ZCWPW2: variants seen among roughly 807,000 people sequenced by gnomAD.
ZCWPW2 encodes the protein zinc finger CW-type and PWWP domain containing 2.
In ZCWPW2, 45 loss-of-function variants were observed where a neutral mutation model predicts 46.6. That is an observed-to-expected ratio of 0.96 (90% CI 0.76 to 1.24). ZCWPW2 has a LOEUF of 1.24. ZCWPW2 is among the 50% of genes most tolerant of loss of function. ZCWPW2 has a pLI of 0.00. For synonymous variants in ZCWPW2, 152 were observed against 137.1 expected (o/e 1.11, Z -0.76); for missense variants, 429 against 403.9 (o/e 1.06, Z -0.53).
At position 28,371,876 on chromosome 3, in the gene ZCWPW2, G is replaced by A. The variant is rs141702319; in HGVS notation, c.-133-18622G>A. ...GAGCCTGATTAAAGTTTAGTCAAAGGGAGAGTCTTTGCCAGTTTCTTCTTC... is the reference window on the plus strand; with the variant it reads ...GAGCCTGATTAAAGTTTAGTCAAAGAGAGAGTCTTTGCCAGTTTCTTCTTC... On this transcript the variant is annotated intron_variant, in intron 1 of 9. Coordinates refer to ENST00000383768, the MANE Select transcript of ZCWPW2 (RefSeq NM_001040432.4). Among the ~76,000 whole-genome samples, 246 of 151,946 alleles carry A rather than the reference G, an allele frequency of 1.6e-3. 3 individuals are homozygous for A. The highest frequency in any genetic ancestry group is 5.6e-3 in the African/African-American group (231 of 41,444).
In ZCWPW2 at chr3:28,450,482, G is replaced by C. The variant is rs561413162; in HGVS notation, c.492+15213G>C. ...GATCAACCAGCTTGTAGGTGGCATA[G>C]AGCCATTATAATTTTTCTTGGGCAT... On this transcript the variant is annotated intron_variant, in intron 4 of 9. Transcript: ENST00000383768. Among the ~76,000 whole-genome samples the C allele has an allele frequency of 3.3e-5, 5 of 152,294 alleles. No homozygotes were observed. The East Asian group carries it at 9.7e-4, about 29-fold the overall frequency.
chr3:28,443,988 A>G (rs183395172), intron 4 of ZCWPW2, among the ~76,000 whole-genome samples: 1 of 152,280 alleles, frequency 6.6e-6, no homozygotes, highest in African/African-American at 2.4e-5. Flanking sequence ...ACAATGAACC[A>G]TCTTTTAATC....
At chr3:28,440,801 A>G (rs1338429477) in intron 4 of ZCWPW2, among the ~76,000 whole-genome samples, 2 of 152,178 alleles carry the variant, frequency 1.3e-5, no homozygotes, top group Admixed American at 6.5e-5. Context: ...TGGCAGAAGC[A>G]TTGTGTGCAG....
chr3:28,483,787 G>T (rs12054331), intron 5 of ZCWPW2, among the ~76,000 whole-genome samples: 26,669 of 151,864 alleles, frequency 0.18, 3,153 homozygotes, highest in East Asian at 0.63. Flanking sequence ...CTACTTGTTT[G>T]GTACTAGTAT....
At chr3:28,514,175 A>G (rs1399217467) in intron 7 of ZCWPW2, 53 bp downstream of exon 7, 22 of 1,254,754 alleles carry the variant, frequency 1.8e-5, no homozygotes, top group Admixed American at 2.8e-5. Context: ...TATATATTGG[A>G]TTTAGTTTAG....
chr3:28,502,803 TC>T (rs1487795093), intron 6 of ZCWPW2, among the ~76,000 whole-genome samples: 14 of 152,112 alleles, frequency 9.2e-5, no homozygotes, highest in African/African-American at 3.4e-4. Context: ...AGTGATGCCT[TC>T]CTAAACCAGT....
intron 3 of ZCWPW2, among the ~76,000 whole-genome samples, chr3:28,424,677 A>T (rs1358442261): frequency 6.6e-6 from 1 of 152,174 alleles, no homozygotes; most frequent in East Asian, 1.9e-4. Context: ...AGTCTGTGGT[A>T]TTTTGTTATG....
At chr3:28,356,172 T>C (rs36106945) in intron 1 of ZCWPW2, among the ~76,000 whole-genome samples, 31,687 of 151,952 alleles carry the variant, frequency 0.21, 3,705 homozygotes, top group Admixed American at 0.28. Flanking sequence ...TCAAACAACC[T>C]CATCAAAAAG....
rs369052191 is a variant in ZCWPW2 at position 28,413,274 on chromosome 3, A to G, written c.206A>G (p.Asn69Ser). 5.0e-6 allele frequency: 8 copies of G among 1,613,358 alleles called. No homozygotes were observed. Among genetic ancestry groups the G allele is most frequent in the Non-Finnish European group, 6.8e-6 (8 of 1,179,534 alleles). ...TTCATGAACACTGATTCAAGATATA[A>G]TAACTGCTCAATTTCTGAAGAAGAC... ...YCFMNTDSRY[N>S]NCSISEEDFP... The change falls in exon 3 of 10, where the codon AAT becomes AGT. Residue 69 changes from asparagine (N) to serine (S), a missense_variant. Transcript: ENST00000383768.
At chr3:28,480,136 G>A (rs572284331) in intron 5 of ZCWPW2, among the ~76,000 whole-genome samples, 8 of 151,990 alleles carry the variant, frequency 5.3e-5, no homozygotes, top group East Asian at 1.9e-4. Flanking sequence ...GTCTTTGAGC[G>A]ATCACCACAC....
chr3:28,447,241 T>A (rs1246220269), intron 4 of ZCWPW2, among the ~76,000 whole-genome samples: 1 of 152,058 alleles, frequency 6.6e-6, no homozygotes, highest in Non-Finnish European at 1.5e-5. Flanking sequence ...TTATTTACAT[T>A]GATGGAAAAA....
chr3:28,383,641 G>A (rs906246222), intron 1 of ZCWPW2, among the ~76,000 whole-genome samples: 1 of 151,896 alleles, frequency 6.6e-6, no homozygotes, highest in Admixed American at 6.6e-5. Flanking sequence ...ATTTTGGGTG[G>A]CCTTTTTAAG....
intron 2 of ZCWPW2, among the ~76,000 whole-genome samples, chr3:28,391,353 CCACACA>C (rs111706300): frequency 1.3e-5 from 2 of 148,650 alleles, no homozygotes; most frequent in African/African-American, 4.9e-5. Context: ...CCTCTCCCTG[CCACACA>C]CACACACACA....
chr3:28,482,214 C>A (rs1455738858), intron 5 of ZCWPW2, among the ~76,000 whole-genome samples: 1 of 152,134 alleles, frequency 6.6e-6, no homozygotes, highest in Non-Finnish European at 1.5e-5. Context: ...ATAGTTTTGG[C>A]TTTTCCAGAA....
intron 2 of ZCWPW2, among the ~76,000 whole-genome samples, chr3:28,405,721 G>C (rs781071113): frequency 4.6e-5 from 7 of 152,118 alleles, no homozygotes; most frequent in Non-Finnish European, 7.3e-5. Context: ...TGATCTGCCT[G>C]CCTCAGCCTC....
At chr3:28,429,509 C>T (rs960257817) in intron 3 of ZCWPW2, among the ~76,000 whole-genome samples, 5 of 152,106 alleles carry the variant, frequency 3.3e-5, no homozygotes, top group African/African-American at 1.2e-4. Flanking sequence ...AAATTAGCAG[C>T]CTGATGATGT....
intron 2 of ZCWPW2, among the ~76,000 whole-genome samples, chr3:28,411,137 TAAAC>T (rs536852045): frequency 3.5e-4 from 53 of 151,996 alleles, no homozygotes; most frequent in African/African-American, 1.2e-3. Flanking sequence ...TAATTATTAA[TAAAC>T]AAAATACAGC....
chr3:28,379,826 A>C (rs929285989), intron 1 of ZCWPW2, among the ~76,000 whole-genome samples: 2 of 152,204 alleles, frequency 1.3e-5, no homozygotes, highest in Non-Finnish European at 2.9e-5. Flanking sequence ...TTGTAGCTCA[A>C]GTAACATATC....
At position 28,400,744 on chromosome 3, in the gene ZCWPW2, A is replaced by G. The variant is rs182319255; in HGVS notation, c.-14+10127A>G. The stretch of plus-strand genomic sequence containing the variant: ...CTTTTTCATACAAACAAATGCTAAG[A>G]TAATTCGCCACTACCAAGCTACCAC... On this transcript the variant is annotated intron_variant, in intron 2 of 9. Coordinates refer to ENST00000383768, the MANE Select transcript of ZCWPW2 (RefSeq NM_001040432.4). Among the ~76,000 whole-genome samples, 463 of 152,362 alleles carry G rather than the reference A, an allele frequency of 3.0e-3. 2 individuals carry two copies. The highest frequency in any genetic ancestry group is 1.0e-2 in the African/African-American group (415 of 41,582).
Sources: allele counts gnomAD v4.1 joint callset (sites outside exome capture counted in the v4.1 genomes callset), GRCh38; gene constraint gnomAD v4.1.1; transcripts MANE v1.5; gene names NCBI Gene and HGNC (gene_info 2026-07-23, HGNC 2026-07-21).